The following CATSPERE variants were observed in gnomAD, a reference collection of about 807,000 sequenced individuals.
CATSPERE encodes the protein cation channel sperm-associated auxiliary subunit epsilon.
In CATSPERE, 93 loss-of-function variants were observed where a neutral mutation model predicts 114.1. The ratio of observed to expected loss-of-function variants is 0.81; its 90% CI spans 0.69 to 0.97. The LOEUF (loss-of-function observed/expected upper bound fraction) is 0.97, where lower values mean the gene tolerates loss of function less well. Ranked by LOEUF, CATSPERE falls within the 50% of genes least tolerant of loss-of-function variation. The probability of loss-of-function intolerance (pLI) is 0.00; values close to 1 mark genes in which losing one functional copy is unlikely to be tolerated. For missense variants in CATSPERE, 1,058 were observed against 1,131.6 expected, an observed-to-expected ratio of 0.93 and a Z score of 0.93; for synonymous variants, 341 against 384.1, an observed-to-expected ratio of 0.89 and a Z score of 1.31.
chr1:244,512,909 G>A (rs567790438), intron 7 of CATSPERE, among the ~76,000 whole-genome samples: 133 of 152,302 alleles, frequency 8.7e-4, no homozygotes, highest in African/African-American at 2.9e-3. Context: ...TGAAGGCTAT[G>A]GTGGGGCTTT....
intron 5 of CATSPERE, among the ~76,000 whole-genome samples, chr1:244,480,388 AACTGTAGTATGTGG>A (rs1670072979): frequency 6.6e-6 from 1 of 152,188 alleles, no homozygotes; most frequent in South Asian, 2.1e-4. Flanking sequence ...GGACATAAGG[AACTGTAGTATGTGG>A]ATCCTGACCC....
At chr1:244,537,822 T>C (rs1680598816) in intron 8 of CATSPERE, among the ~76,000 whole-genome samples, 1 of 152,218 alleles carries the variant, frequency 6.6e-6, no homozygotes. Context: ...AAAATATGTA[T>C]TCTCCTGTTG....
chr1:244,635,614 G>C (rs955304324), intron 21 of CATSPERE, 72 bp downstream of exon 21: 4 of 1,182,946 alleles, frequency 3.4e-6, no homozygotes, highest in African/African-American at 1.5e-5. Flanking sequence ...AGAAGGAAAA[G>C]CACCTCTCCC....
chr1:244,620,741 A>G (rs1671980099), intron 20 of CATSPERE, among the ~76,000 whole-genome samples: 1 of 151,800 alleles, frequency 6.6e-6, no homozygotes, highest in Non-Finnish European at 1.5e-5. Flanking sequence ...AACTGAGGGG[A>G]TTATTTATAG....
At chr1:244,453,038 A>C (rs1260352689), upstream of CATSPERE, among the ~76,000 whole-genome samples, 1 of 152,208 alleles carries the variant, frequency 6.6e-6, no homozygotes, top group Non-Finnish European at 1.5e-5. Flanking sequence ...ATTTCTAGTC[A>C]ATGAGTTAAG....
intron 7 of CATSPERE, among the ~76,000 whole-genome samples, chr1:244,512,748 T>C (rs1170745151): frequency 6.6e-6 from 1 of 152,316 alleles, no homozygotes; most frequent in East Asian, 1.9e-4. Context: ...ACATTTTCCT[T>C]TGGATATTTC....
chr1:244,588,363 G>T, intron 13 of CATSPERE, 119 bp from the exon 14 acceptor site: 1 of 749,168 alleles, frequency 1.3e-6, no homozygotes, highest in South Asian at 1.6e-5. Context: ...TGGTATAAGA[G>T]AACCCTACAT....
chr1:244,542,298 C>T (rs59358401), intron 8 of CATSPERE, among the ~76,000 whole-genome samples: 19,332 of 151,962 alleles, frequency 0.13, 2,006 homozygotes, highest in African/African-American at 0.29. Context: ...AGCTGAGTGG[C>T]GACTCTACCA....
chr1:244,588,443 A>G (rs1319672090), intron 13 of CATSPERE, 39 bp from the exon 14 acceptor site: 10 of 1,478,838 alleles, frequency 6.8e-6, no homozygotes, highest in Non-Finnish European at 9.5e-6. Flanking sequence ...CATATGAATC[A>G]GAACTGCTGA....
At chr1:244,578,779 A>G in intron 11 of CATSPERE, among the ~76,000 whole-genome samples, 1 of 147,196 alleles carries the variant, frequency 6.8e-6, no homozygotes, top group East Asian at 2.0e-4. Flanking sequence ...ATATCTATAC[A>G]GGTACATATA....
Position 244,499,013 on chromosome 1 carries a change from G to A in CATSPERE, c.363G>A (p.Val121=). ...ATTTTATTTTCTAGCTTATCACTGT[G>A]TGGGCATATGATCCAGAAAGTGCAG... ...FFNNFTQLIT[V]WAYDPESADP... is the part of the protein sequence containing the mutation. Residue 121 remains valine (V), a synonymous_variant, in exon 7 of 22, where the codon GTG becomes GTA. Coordinates refer to ENST00000366534, the MANE Select transcript of CATSPERE (RefSeq NM_001130957.2). 2 of 1,612,108 alleles carry A rather than the reference G, an allele frequency of 1.2e-6. No individual in the cohort carries two copies. Among genetic ancestry groups the A allele is most frequent in the Non-Finnish European group, 1.7e-6 (2 of 1,178,342 alleles).
chr1:244,553,603 ACACACACAC>A (rs2148504177), intron 9 of CATSPERE, among the ~76,000 whole-genome samples: 1 of 5,796 alleles, frequency 1.7e-4, no homozygotes, highest in African/African-American at 5.2e-4. Context: ...AAAAAAAAAT[ACACACACAC>A]ACACACACAC....
chr1:244,544,944 C>A (rs1292876964), intron 8 of CATSPERE, among the ~76,000 whole-genome samples: 4 of 152,204 alleles, frequency 2.6e-5, no homozygotes, highest in Non-Finnish European at 5.9e-5. Context: ...GCAAGGCCAG[C>A]AATACACCTT....
At chr1:244,511,427 T>A (rs549769395) in intron 7 of CATSPERE, among the ~76,000 whole-genome samples, 104 of 152,180 alleles carry the variant, frequency 6.8e-4, no homozygotes, top group Non-Finnish European at 1.2e-3. Context: ...CCTGTAAATG[T>A]CATTTAAATG....
chr1:244,513,533 C>T (rs546783698), intron 7 of CATSPERE, among the ~76,000 whole-genome samples: 11 of 152,212 alleles, frequency 7.2e-5, no homozygotes, highest in Admixed American at 2.6e-4. Context: ...GTGAGTTGAC[C>T]CCTAGGCTTC....
intron 14 of CATSPERE, among the ~76,000 whole-genome samples, chr1:244,590,328 A>G (rs10927272): frequency 0.18 from 28,006 of 152,214 alleles, 3,709 homozygotes; most frequent in East Asian, 0.4. Context: ...AGAAGTTTAC[A>G]TCTAATAAAA....
intron 2 of CATSPERE, among the ~76,000 whole-genome samples, chr1:244,467,355 A>G (rs1667760894): frequency 6.6e-6 from 1 of 152,238 alleles, no homozygotes; most frequent in South Asian, 2.1e-4. Context: ...AAAAGGATGT[A>G]CAAATGACCA....
At chr1:244,626,269 T>C (rs2653147) in intron 20 of CATSPERE, among the ~76,000 whole-genome samples, 113,906 of 151,666 alleles carry the variant, frequency 0.75, 44,199 homozygotes, top group East Asian at 0.87. Flanking sequence ...GGTGGTCGCC[T>C]GGGATCAGGA....
intron 8 of CATSPERE, among the ~76,000 whole-genome samples, chr1:244,533,437 CTTT>C (rs1391200033): frequency 6.6e-6 from 1 of 151,704 alleles, no homozygotes; most frequent in African/African-American, 2.4e-5. Context: ...TCTCTTCCTT[CTTT>C]TCTTCCTTTC....
Sources: gnomAD v4.1 joint callset for allele counts (sites outside exome capture counted in the v4.1 genomes callset) on GRCh38, gnomAD v4.1.1 for gene constraint, MANE v1.5 for transcripts, NCBI Gene and HGNC (gene_info 2026-07-23, HGNC 2026-07-21) for gene names.